Variants in SGCD observed in about 807,000 individuals in gnomAD.
SGCD encodes sarcoglycan delta, also known as delta-sarcoglycan.
Under a neutral mutation model 36.6 loss-of-function variants are expected in SGCD, and 18 were observed. The ratio of observed to expected loss-of-function variants is 0.49; its 90% CI spans 0.34 to 0.73. The LOEUF is 0.73. SGCD is among the 30% of genes least tolerant of loss of function. The pLI is 0.01. For missense variants in SGCD, 387 were observed against 346.7 expected, an observed-to-expected ratio of 1.12 and a Z score of -0.92; for synonymous variants, 133 against 130.6, an observed-to-expected ratio of 1.02 and a Z score of -0.12.
intron 3 of SGCD, among the ~76,000 whole-genome samples, chr5:156,474,138 AG>A (rs1265742357): frequency 1.3e-5 from 2 of 152,118 alleles, no homozygotes; most frequent in Admixed American, 1.3e-4. Flanking sequence ...CAACATGGGT[AG>A]GGGTTGGCAT....
chr5:156,445,939 C>G (rs1753739253), intron 3 of SGCD, among the ~76,000 whole-genome samples: 1 of 152,048 alleles, frequency 6.6e-6, no homozygotes, highest in Admixed American at 6.6e-5. Context: ...ACTATGTAAC[C>G]TGTACTGTGC....
the SGCD span, among the ~76,000 whole-genome samples, chr5:155,774,628 A>G: frequency 4.6e-5 from 7 of 152,078 alleles, no homozygotes; most frequent in East Asian, 1.4e-3. Flanking sequence ...TCCTCCATCT[A>G]TAAGACACAT....
At chr5:156,125,649 G>A (rs1240479248) in intron 3 of SGCD, among the ~76,000 whole-genome samples, 1 of 151,610 alleles carries the variant, frequency 6.6e-6, no homozygotes, top group African/African-American at 2.4e-5. Context: ...CATCTTTAAG[G>A]AAGTTTCAGT....
intron 3 of SGCD, among the ~76,000 whole-genome samples, chr5:156,180,307 G>A (rs1763572262): frequency 6.6e-6 from 1 of 152,146 alleles, no homozygotes; most frequent in South Asian, 2.1e-4. Context: ...GATAGGGAAT[G>A]AGATAAAGAT....
intron 3 of SGCD, among the ~76,000 whole-genome samples, chr5:156,285,160 A>G (rs1013778388): frequency 6.6e-6 from 1 of 152,210 alleles, no homozygotes; most frequent in Admixed American, 6.5e-5. Flanking sequence ...ACCACTGCTC[A>G]ATGAAATAAA....
chr5:156,696,861 C>T (rs1754335522), intron 7 of SGCD, among the ~76,000 whole-genome samples: 1 of 151,370 alleles, frequency 6.6e-6, no homozygotes, highest in East Asian at 1.9e-4. Flanking sequence ...AGAATCTGAT[C>T]TATTATTCTA....
chr5:156,392,232 G>A (rs1771610275), intron 3 of SGCD, among the ~76,000 whole-genome samples: 1 of 152,154 alleles, frequency 6.6e-6, no homozygotes, highest in South Asian at 2.1e-4. Context: ...ATTTTTTGAG[G>A]TCCAGACATC....
chr5:156,152,560 C>T lies in SGCD; in HGVS notation c.-44+28541C>T, dbSNP rs2127615384. Among the ~76,000 whole-genome samples, 2 of 151,730 alleles carry T rather than the reference C, an allele frequency of 1.3e-5. 1 individual carries two copies. The highest frequency in any genetic ancestry group is 4.9e-5 in the African/African-American group (2 of 41,096). The stretch of plus-strand genomic sequence containing the variant: ...ATAAAAAATATAGGATATCTCTATT[C>T]ATTTTAACAACTTTATTGAGATATA... On this transcript the variant is annotated intron_variant, in intron 3 of 9. Transcript: ENST00000517913.
chr5:155,918,211 A>G (rs2163746), intron 1 of SGCD, among the ~76,000 whole-genome samples: 21,416 of 152,238 alleles, frequency 0.14, 2,288 homozygotes, highest in Admixed American at 0.35. Context: ...AGAAAATAGT[A>G]ATAATGATAT....
chr5:156,245,791 A>G (rs1280483426), intron 3 of SGCD, among the ~76,000 whole-genome samples: 1 of 152,020 alleles, frequency 6.6e-6, no homozygotes, highest in Admixed American at 6.6e-5. Context: ...GGAAGAGAAA[A>G]TTTTTTCAAA....
intron 4 of SGCD, among the ~76,000 whole-genome samples, chr5:156,563,910 C>T (rs548724310): frequency 4.2e-4 from 63 of 149,940 alleles, no homozygotes; most frequent in African/African-American, 1.5e-3. Flanking sequence ...GAAAGTTCTT[C>T]CCCTACTCCC....
intron 1 of SGCD, among the ~76,000 whole-genome samples, chr5:156,088,131 T>G (rs1359163393): frequency 6.6e-6 from 1 of 152,148 alleles, no homozygotes; most frequent in Non-Finnish European, 1.5e-5. Context: ...TGGCCATGGT[T>G]TGAGGGGCTA....
intron 7 of SGCD, among the ~76,000 whole-genome samples, chr5:156,711,576 C>T (rs186231696): frequency 5.9e-5 from 9 of 152,272 alleles, no homozygotes; most frequent in African/African-American, 1.7e-4. Context: ...CACTTCTTGC[C>T]GTGACTTCAG....
chr5:156,224,423 A>C (rs901040743), intron 3 of SGCD, among the ~76,000 whole-genome samples: 1 of 152,196 alleles, frequency 6.6e-6, no homozygotes, highest in African/African-American at 2.4e-5. Flanking sequence ...TTTTGAGGAA[A>C]GCAAAGAAAC....
At position 156,761,737 on chromosome 5, in the gene SGCD, C is replaced by T. The variant is rs1033393298; in HGVS notation, c.*2347C>T. 6.6e-6 allele frequency: 1 copy of T among 152,144 alleles called. No homozygotes were observed. Among genetic ancestry groups the T allele is most frequent in the Non-Finnish European group, 1.5e-5 (1 of 68,038 alleles). 9.4% of individuals were successfully genotyped at this position (152,144 alleles called of 1,614,324 possible). Reference sequence around the variant, plus strand: ...TTTTGCTTAGATTTTGTTCTAATCACCACGTGAAGGAATGAGATTAGCACC... The same window carrying T: ...TTTTGCTTAGATTTTGTTCTAATCATCACGTGAAGGAATGAGATTAGCACC... On this transcript the variant is annotated 3_prime_UTR_variant, in exon 9 of 9. Transcript: ENST00000337851.
chr5:156,070,201 C>G (rs915112673), intron 1 of SGCD, among the ~76,000 whole-genome samples: 2 of 151,044 alleles, frequency 1.3e-5, no homozygotes, highest in East Asian at 1.9e-4. Context: ...GCATCCCTGT[C>G]TTGTGCCAGT....
intron 3 of SGCD, among the ~76,000 whole-genome samples, chr5:156,261,232 A>G (rs917814075): frequency 1.3e-5 from 2 of 152,150 alleles, no homozygotes; most frequent in African/African-American, 4.8e-5. Context: ...GGATGTGAAA[A>G]TATTTTTTCT....
At chr5:155,844,709 T>G in the SGCD span, among the ~76,000 whole-genome samples, 1 of 152,126 alleles carries the variant, frequency 6.6e-6, no homozygotes, top group Non-Finnish European at 1.5e-5. Flanking sequence ...TAGAATGGAA[T>G]ACCGTATATG....
the SGCD span, among the ~76,000 whole-genome samples, chr5:155,849,106 T>C: frequency 6.6e-6 from 1 of 152,152 alleles, no homozygotes. Flanking sequence ...TACCTGGTAT[T>C]GTAAAAATTG....
Sources: allele counts gnomAD v4.1 joint callset (sites outside exome capture counted in the v4.1 genomes callset), GRCh38; gene constraint gnomAD v4.1.1; transcripts MANE v1.5; gene names NCBI Gene and HGNC (gene_info 2026-07-23, HGNC 2026-07-21).